The following MGAT5 variants were observed in gnomAD, a reference collection of about 807,000 sequenced individuals.
MGAT5 encodes alpha-1,6-mannosylglycoprotein 6-beta-N-acetylglucosaminyltransferase A.
Under a neutral mutation model 94.3 loss-of-function variants are expected in MGAT5, and 30 were observed. The ratio of observed to expected loss-of-function variants is 0.32; its 90% CI spans 0.24 to 0.43. The LOEUF (loss-of-function observed/expected upper bound fraction) is 0.43, where lower values mean the gene tolerates loss of function less well. MGAT5 is among the 20% of genes least tolerant of loss of function. The probability of loss-of-function intolerance (pLI) is 1.00; values close to 1 mark genes in which losing one functional copy is unlikely to be tolerated. For missense variants in MGAT5, 691 were observed against 905.5 expected (o/e 0.76, Z 3.04); for synonymous variants, 310 against 322.9 (o/e 0.96, Z 0.43).
At chr2:134,369,560 G>A (rs889992383) in intron 10 of MGAT5, among the ~76,000 whole-genome samples, 1 of 152,088 alleles carries the variant, frequency 6.6e-6, no homozygotes, top group Non-Finnish European at 1.5e-5. Flanking sequence ...AATAAGAGGA[G>A]CATTTATTCT....
chr2:134,262,008 G>A (rs1683368545), intron 1 of MGAT5, among the ~76,000 whole-genome samples: 1 of 152,226 alleles, frequency 6.6e-6, no homozygotes, highest in South Asian at 2.1e-4. Flanking sequence ...CTGGAAGGTA[G>A]TTAGTGTTTC....
At chr2:134,152,349 C>A (rs145143547) in intron 1 of MGAT5, among the ~76,000 whole-genome samples, 6,016 of 108,448 alleles carry the variant, frequency 0.055, 10 homozygotes, top group Non-Finnish European at 0.066. Context: ...CGCCATGGGA[C>A]CTCACTCACG....
chr2:134,394,532 A>C (rs1270232620), intron 10 of MGAT5, among the ~76,000 whole-genome samples: 1 of 152,248 alleles, frequency 6.6e-6, no homozygotes, highest in Non-Finnish European at 1.5e-5. Flanking sequence ...ACCAATATAT[A>C]GATAGAATTC....
chr2:134,448,578 C>T (rs2106448813), intron 15 of MGAT5, 71 bp from the exon 16 acceptor site: 1 of 1,445,674 alleles, frequency 6.9e-7, no homozygotes, highest in Non-Finnish European at 9.7e-7. Context: ...GATGGGGGCT[C>T]ACAGGGCCAG....
intron 1 of MGAT5, among the ~76,000 whole-genome samples, chr2:134,154,232 G>C (rs996462347): frequency 6.6e-6 from 1 of 152,202 alleles, no homozygotes; most frequent in African/African-American, 2.4e-5. Context: ...AAGAGCTTCA[G>C]AGGGGCACTT....
At chr2:134,282,052 T>C (rs895071355) in intron 2 of MGAT5, among the ~76,000 whole-genome samples, 1 of 152,184 alleles carries the variant, frequency 6.6e-6, no homozygotes, top group Non-Finnish European at 1.5e-5. Flanking sequence ...GGCAGATGGG[T>C]GTCTCCTGGA....
At position 134,254,483 on chromosome 2, in the gene MGAT5, T is replaced by C; in HGVS notation, c.80T>C (p.Met27Thr). Residue 27 changes from methionine (M) to threonine (T), a missense_variant, in exon 1 of 16, where the codon ATG becomes ACG. This residue lies in a region of MGAT5 where 307 missense variants were observed against 335.4 expected (regional missense o/e 0.92). Transcript: ENST00000281923. ...GTGACTTTTGGCTTCATTTGGGGTA[T>C]GATGCTTCTGCACTTTACCATCCAG... ...FLVTFGFIWG[M>T]MLLHFTIQQR... is the part of the protein sequence containing the mutation. The C allele has an allele frequency of 6.2e-7, 1 of 1,614,236 alleles. No homozygotes were observed. Among genetic ancestry groups the C allele is most frequent in the Non-Finnish European group, 8.5e-7 (1 of 1,180,044 alleles).
intron 2 of MGAT5, among the ~76,000 whole-genome samples, chr2:134,286,480 G>A (rs1049258188): frequency 2.6e-5 from 4 of 151,916 alleles, no homozygotes; most frequent in Admixed American, 1.3e-4. Context: ...TGCCTAGGCT[G>A]GAGTATAGTG....
chr2:134,403,192 G>T, intron 11 of MGAT5, 55 bp downstream of exon 11: 1 of 1,519,080 alleles, frequency 6.6e-7, no homozygotes. Flanking sequence ...CTGTGAAAAT[G>T]GGATCAGAAT....
intron 1 of MGAT5, among the ~76,000 whole-genome samples, chr2:134,139,448 G>A (rs1385764948): frequency 6.6e-6 from 1 of 152,126 alleles, no homozygotes; most frequent in South Asian, 2.1e-4. Context: ...GAGATGTTAA[G>A]GTAAAAATCC....
intron 2 of MGAT5, among the ~76,000 whole-genome samples, chr2:134,296,451 T>C (rs1241210816): frequency 6.6e-6 from 1 of 152,134 alleles, no homozygotes; most frequent in African/African-American, 2.4e-5. Context: ...AGGTTAAATA[T>C]TCTTTTTTTT....
intron 3 of MGAT5, among the ~76,000 whole-genome samples, chr2:134,318,191 C>A (rs1687112411): frequency 6.6e-6 from 1 of 152,260 alleles, no homozygotes; most frequent in African/African-American, 2.4e-5. Context: ...TGGGACCAAC[C>A]CCAGAAGCAT....
At chr2:134,276,010 G>A (rs950216224) in intron 2 of MGAT5, among the ~76,000 whole-genome samples, 5 of 152,104 alleles carry the variant, frequency 3.3e-5, no homozygotes, top group Non-Finnish European at 7.4e-5. Flanking sequence ...GTGAAATTCC[G>A]ATCTATGAGA....
At chr2:134,425,649 A>G (rs780824123) in intron 13 of MGAT5, among the ~76,000 whole-genome samples, 3 of 152,166 alleles carry the variant, frequency 2.0e-5, no homozygotes, top group Non-Finnish European at 2.9e-5. Context: ...GCCAAGCCAC[A>G]TCTGTCAGGT....
At chr2:134,139,705 G>T (rs1359261104) in intron 1 of MGAT5, among the ~76,000 whole-genome samples, 1 of 152,176 alleles carries the variant, frequency 6.6e-6, no homozygotes, top group Non-Finnish European at 1.5e-5. Flanking sequence ...GCCAGCTGAG[G>T]TGCAAAATCA....
At chr2:134,237,150 C>CGCGCGT (rs1553499274) in intron 1 of MGAT5, among the ~76,000 whole-genome samples, 6 of 39,934 alleles carry the variant, frequency 1.5e-4, no homozygotes, top group African/African-American at 2.6e-4. Flanking sequence ...TGTGTGTGTG[C>CGCGCGT]GCGTGTGTGT....
At chr2:134,284,221 G>T (rs1328929533) in intron 2 of MGAT5, among the ~76,000 whole-genome samples, 1 of 152,164 alleles carries the variant, frequency 6.6e-6, no homozygotes, top group Non-Finnish European at 1.5e-5. Context: ...ACTTTTAGCT[G>T]CCATACTGTT....
intron 10 of MGAT5, among the ~76,000 whole-genome samples, chr2:134,370,247 A>C (rs540848042): frequency 6.6e-6 from 1 of 152,296 alleles, no homozygotes; most frequent in Non-Finnish European, 1.5e-5. Context: ...ATGTACTGAA[A>C]CCCTTGAAAA....
intron 2 of MGAT5, among the ~76,000 whole-genome samples, chr2:134,272,236 G>A (rs1398757183): frequency 2.0e-5 from 3 of 152,234 alleles, no homozygotes; most frequent in African/African-American, 4.8e-5. Context: ...TATACCAGCC[G>A]TATGTATTGA....
Sources: gnomAD v4.1 joint callset for allele counts (sites outside exome capture counted in the v4.1 genomes callset) on GRCh38, gnomAD v4.1.1 for gene constraint, gnomAD v4.1.1 regional missense constraint, MANE v1.5 for transcripts, NCBI Gene and HGNC (gene_info 2026-07-23, HGNC 2026-07-21) for gene names.